The following RPH3AL variants were observed in gnomAD, a reference collection of about 807,000 sequenced individuals.
RPH3AL encodes rab effector Noc2.
A neutral mutation model predicts 43.1 loss-of-function variants in RPH3AL; 38 were observed. That is an observed-to-expected ratio of 0.88 (90% CI 0.68 to 1.15). The LOEUF (loss-of-function observed/expected upper bound fraction) is 1.15. RPH3AL is among the 50% of genes most tolerant of loss of function. The pLI is 0.00. For missense variants in RPH3AL, 462 were observed against 423.2 expected (o/e 1.09, Z -0.81); for synonymous variants, 189 against 176.3 (o/e 1.07, Z -0.57).
intron 4 of RPH3AL, 66 bp from the exon 5 acceptor site, chr17:319,615 C>T (rs1478620780): frequency 1.2e-5 from 19 of 1,579,192 alleles, no homozygotes; most frequent in African/African-American, 9.4e-5. Flanking sequence ...CACTGAGGCC[C>T]GAAACCGTAC....
intron 5 of RPH3AL, among the ~76,000 whole-genome samples, chr17:315,889 G>C (rs567354548): frequency 3.4e-3 from 475 of 141,324 alleles, no homozygotes; most frequent in Non-Finnish European, 4.9e-3. Flanking sequence ...TTGACCTGTA[G>C]TCCCTGTGAC....
intron 1 of RPH3AL, among the ~76,000 whole-genome samples, chr17:340,353 CATCCACACTCACTGCCCTGGGCT>C (rs2045079362): frequency 4.7e-5 from 7 of 149,942 alleles, no homozygotes; most frequent in African/African-American, 1.7e-4. Context: ...GGCCTCCCCA[CATCCACACTCACTGCCCTGGGCT>C]CAGGCCTCCC....
intron 5 of RPH3AL, among the ~76,000 whole-genome samples, chr17:318,776 A>G (rs531495944): frequency 1.3e-5 from 2 of 152,240 alleles, no homozygotes; most frequent in African/African-American, 4.8e-5. Flanking sequence ...GGCACAATTT[A>G]GTATAAGAAG....
At chr17:213,950 A>G (rs367746807) in intron 9 of RPH3AL, 27 bp from the exon 10 acceptor site, 640 of 1,586,530 alleles carry the variant, frequency 4.0e-4, no homozygotes, top group Non-Finnish European at 5.3e-4. Context: ...AGGCCACCAC[A>G]TGGTGAGCAG....
intron 5 of RPH3AL, among the ~76,000 whole-genome samples, chr17:292,280 C>T (rs913207556): frequency 2.6e-5 from 4 of 152,220 alleles, no homozygotes; most frequent in African/African-American, 4.8e-5. Context: ...GGGCCAGCAG[C>T]GGAAAGGCTG....
At chr17:314,842 C>G in intron 5 of RPH3AL, among the ~76,000 whole-genome samples, 2 of 147,052 alleles carry the variant, frequency 1.4e-5, no homozygotes, top group Non-Finnish European at 3.0e-5. Flanking sequence ...GCTCCACCTC[C>G]ATTGACCTGT....
At chr17:219,526 C>CTTTCTTT (rs1555530204) in intron 8 of RPH3AL, 97 bp downstream of exon 8, 4 of 144,948 alleles carry the variant, frequency 2.8e-5, no homozygotes, top group Non-Finnish European at 5.1e-5. Context: ...CTTTTTCTTC[C>CTTTCTTT]TTTTTTTTTT....
At chr17:278,297 G>A (rs980296216) in intron 6 of RPH3AL, among the ~76,000 whole-genome samples, 17 of 152,242 alleles carry the variant, frequency 1.1e-4, no homozygotes, top group Admixed American at 5.9e-4. Flanking sequence ...GCCTTCCGCC[G>A]TGATTGTGAG....
intron 6 of RPH3AL, among the ~76,000 whole-genome samples, chr17:266,420 C>A (rs1597972683): frequency 6.6e-6 from 1 of 152,360 alleles, no homozygotes; most frequent in East Asian, 1.9e-4. Context: ...CCTGGAAAGT[C>A]TGCTGCCTCC....
intron 3 of RPH3AL, among the ~76,000 whole-genome samples, chr17:325,660 A>G (rs2044602174): frequency 6.6e-6 from 1 of 152,140 alleles, no homozygotes; most frequent in South Asian, 2.1e-4. Context: ...AAAGCAACTT[A>G]CCTGGGTAAC....
chr17:269,009 G>T (rs2042392823), intron 6 of RPH3AL, among the ~76,000 whole-genome samples: 1 of 152,146 alleles, frequency 6.6e-6, no homozygotes, highest in Admixed American at 6.5e-5. Context: ...CTCCCGAGTA[G>T]CTGGGACTAC....
At chr17:340,106 CT>C (rs1480594986) in intron 1 of RPH3AL, among the ~76,000 whole-genome samples, 1 of 152,052 alleles carries the variant, frequency 6.6e-6, no homozygotes, top group Non-Finnish European at 1.5e-5. Context: ...TCACCCAGAC[CT>C]CCTCAGTCAC....
At chr17:236,757 C>A (rs371441708) in intron 7 of RPH3AL, among the ~76,000 whole-genome samples, 1 of 152,250 alleles carries the variant, frequency 6.6e-6, no homozygotes, top group Non-Finnish European at 1.5e-5. Context: ...CCTTGGTGGT[C>A]CCTGATCCTC....
intron 5 of RPH3AL, among the ~76,000 whole-genome samples, chr17:310,533 T>A (rs1055736779): frequency 6.6e-6 from 1 of 152,024 alleles, no homozygotes; most frequent in Non-Finnish European, 1.5e-5. Context: ...GCTGCAGCCA[T>A]CCGCAGAAGG....
At chr17:221,907 C>G (rs12943109) in intron 7 of RPH3AL, among the ~76,000 whole-genome samples, 2 of 99,308 alleles carry the variant, frequency 2.0e-5, no homozygotes, top group South Asian at 4.2e-4. Context: ...AGCTCTGAGG[C>G]CTCCACTCAC....
rs2042534792 is a variant in RPH3AL, at chr17:273,016, A to AGGGAGAGACCCCAGCGAGGGCGACG, written c.438+8751_438+8752insCGTCGCCCTCGCTGGGGTCTCTCCC. Among the ~76,000 whole-genome samples, 2 of 38,200 alleles carry AGGGAGAGACCCCAGCGAGGGCGACG rather than the reference A, an allele frequency of 5.2e-5. 1 individual carries two copies. The highest frequency in any genetic ancestry group is 1.8e-4 in the African/African-American group (2 of 10,826). The allele number at this position is 38,200 out of a possible 152,430, so 25.1% of individuals were successfully genotyped here. A position where few individuals can be genotyped will look rare whatever the true frequency, so the allele number is the denominator to read the frequency against. On this transcript the variant is annotated intron_variant, in intron 6 of 9. Transcript: ENST00000331302. ...AGGGTGAGACCCCAGCGAGGGCGACATCAGGAAGAGACCCCAGCGAGGGCG... is the reference window on the plus strand; with the variant it reads ...AGGGTGAGACCCCAGCGAGGGCGACAGGGAGAGACCCCAGCGAGGGCGACGTCAGGAAGAGACCCCAGCGAGGGCG...
chr17:301,365 G>A lies in RPH3AL; in HGVS notation c.351+18055C>T, dbSNP rs149190128. Among the ~76,000 whole-genome samples, 216 of 152,248 alleles carry A rather than the reference G, an allele frequency of 1.4e-3. 3 individuals carry two copies. In the East Asian group the frequency reaches 0.032, roughly 22 times the overall value. ...GTCACCTAGGCTAGAGTGCAGTGGC[G>A]GGAGCACGGCTCACTGTAGCTTTAA... is the stretch of plus-strand genomic sequence containing the variant. On this transcript the variant is annotated intron_variant, in intron 5 of 9. Coordinates refer to ENST00000331302, the MANE Select transcript of RPH3AL (RefSeq NM_006987.4).
rs1417373907 is a variant in RPH3AL at position 283,964 on chromosome 17, T to C, written c.352-2110A>G. ...GGGTAAAGGGGAGAGGAAGCACTGA[T>C]GCTACTTAGCTCTGTTTTCCTTGCG... On this transcript the variant is annotated intron_variant, in intron 5 of 9. Transcript: ENST00000331302. The surrounding 1 kb of genome is among the most constrained non-coding windows in gnomAD (Gnocchi z 4.2). Among the ~76,000 whole-genome samples, 1 of 152,250 alleles carries C rather than the reference T, an allele frequency of 6.6e-6. No homozygotes were observed. The highest frequency in any genetic ancestry group is 2.4e-5 in the African/African-American group (1 of 41,468).
chr17:307,342 TCCCC>T (rs2043525546), intron 5 of RPH3AL, among the ~76,000 whole-genome samples: 2 of 46,316 alleles, frequency 4.3e-5, no homozygotes, highest in African/African-American at 1.5e-4. Flanking sequence ...CGGCAGGTCC[TCCCC>T]GCGGCAGGTC....
Sources: allele counts gnomAD v4.1 joint callset (sites outside exome capture counted in the v4.1 genomes callset), GRCh38; gene constraint gnomAD v4.1.1; non-coding constraint Gnocchi (gnomAD v3.1); transcripts MANE v1.5; gene names NCBI Gene and HGNC (gene_info 2026-07-23, HGNC 2026-07-21).